Variants in SLC30A4 observed in about 807,000 individuals in gnomAD.
SLC30A4 encodes the protein solute carrier family 30 member 4, also known as probable proton-coupled zinc antiporter SLC30A4.
In SLC30A4, 20 loss-of-function variants were observed where a neutral mutation model predicts 41.7. The ratio of observed to expected loss-of-function variants is 0.48; its 90% CI spans 0.34 to 0.70. The LOEUF (loss-of-function observed/expected upper bound fraction) is 0.70, where lower values mean the gene tolerates loss of function less well. SLC30A4 is among the 30% of genes least tolerant of loss of function. The probability of loss-of-function intolerance (pLI) is 0.01; values close to 1 mark genes in which losing one functional copy is unlikely to be tolerated. For synonymous variants in SLC30A4, 181 were observed against 195.9 expected, an observed-to-expected ratio of 0.92 and a Z score of 0.64; for missense variants, 441 against 529.3, an observed-to-expected ratio of 0.83 and a Z score of 1.64.
rs1245069422 is a variant in SLC30A4, at chr15:45,479,735, G to A, written c.*5428C>T. 1 of 151,796 alleles carries A rather than the reference G, an allele frequency of 6.6e-6. No homozygotes were observed. The highest frequency in any genetic ancestry group is 1.5e-5 in the Non-Finnish European group (1 of 67,958). The allele number at this position is 151,796 out of a possible 1,614,324, so 9.4% of individuals were successfully genotyped here. On this transcript the variant is annotated 3_prime_UTR_variant, in exon 8 of 8. Coordinates refer to ENST00000261867, the MANE Select transcript of SLC30A4 (RefSeq NM_013309.6). ...CTACTAATATTACTTAATAAAAAGAGCAGATATTTAAGAGACTGTACATTT... is the reference window on the plus strand; with the variant it reads ...CTACTAATATTACTTAATAAAAAGAACAGATATTTAAGAGACTGTACATTT...
intron 5 of SLC30A4, 145 bp from the exon 6 acceptor site, chr15:45,487,777 AAGCATCTTCACTCTATCCTAGAC>A (rs1891732137): frequency 1.8e-6 from 1 of 560,114 alleles, no homozygotes; most frequent in Non-Finnish European, 3.2e-6. Context: ...TGTAATTGAA[AAGCATCTTCACTCTATCCTAGAC>A]AGTTTACGTT....
chr15:45,496,410 G>A (rs545181118), intron 3 of SLC30A4, among the ~76,000 whole-genome samples: 4 of 152,104 alleles, frequency 2.6e-5, no homozygotes, highest in East Asian at 3.9e-4. Context: ...GTTGGTCTTC[G>A]GTCACATAAC....
At chr15:45,497,285 G>C (rs755166266) in intron 3 of SLC30A4, 15 of 152,162 alleles carry the variant, frequency 9.9e-5, no homozygotes, top group Non-Finnish European at 1.6e-4. Context: ...GGCCAGGGTA[G>C]TTTCAAATTC....
At chr15:45,506,773 CCTAT>C (rs1178462697) in intron 3 of SLC30A4, among the ~76,000 whole-genome samples, 7 of 152,110 alleles carry the variant, frequency 4.6e-5, no homozygotes, top group South Asian at 2.1e-4. Flanking sequence ...TCAGGAAATA[CCTAT>C]CTATCTATAT....
chr15:45,522,080 ACCTT>A lies in SLC30A4; in HGVS notation c.271_274del (p.Lys91TrpfsTer14). The stretch of plus-strand genomic sequence containing the variant: ...TTTGCTGCAGTTGTCACAGGAGTCC[ACCTT>A]CAAACTCAGCTGACTGTTGGTCAAA... On this transcript the variant is annotated frameshift_variant, in exon 2 of 8. Transcript: ENST00000261867. LOFTEE classifies it high-confidence loss of function. The A allele has an allele frequency of 6.2e-7, 1 of 1,614,182 alleles. No individual in the cohort carries two copies. Among genetic ancestry groups the A allele is most frequent in the Non-Finnish European group, 8.5e-7 (1 of 1,180,036 alleles).
At chr15:45,511,410 T>A in intron 2 of SLC30A4, 126 bp from the exon 3 acceptor site, 1 of 576,820 alleles carries the variant, frequency 1.7e-6, no homozygotes, top group Non-Finnish European at 2.9e-6. Context: ...CCATTACAAT[T>A]AAATCAAGGT....
In SLC30A4 at chr15:45,522,406, C is replaced by A. The variant is rs73416476; in HGVS notation, c.-52G>T. On this transcript the variant is annotated 5_prime_UTR_variant, in exon 2 of 8. Coordinates refer to ENST00000261867, the MANE Select transcript of SLC30A4 (RefSeq NM_013309.6). Reference sequence around the variant, plus strand: ...GAACGGCTTGGGGGAGGCGGACGGCCGGCGGCGCCTACTTCACCGGAGCGC... The same window carrying A: ...GAACGGCTTGGGGGAGGCGGACGGCAGGCGGCGCCTACTTCACCGGAGCGC... 1.5e-3 allele frequency: 2,271 copies of A among 1,512,018 alleles called. 29 individuals carry two copies. In the African/African-American group the frequency reaches 0.029, roughly 19 times the overall value. The allele number at this position is 1,512,018 out of a possible 1,614,324, so 93.7% of individuals were successfully genotyped here. A position where few individuals can be genotyped will look rare whatever the true frequency, so the allele number is the denominator to read the frequency against.
intron 2 of SLC30A4, among the ~76,000 whole-genome samples, chr15:45,517,699 A>T (rs1892528232): frequency 6.6e-6 from 1 of 152,058 alleles, no homozygotes; most frequent in African/African-American, 2.4e-5. Context: ...CTGTAATCCC[A>T]GCACTTTGGG....
intron 3 of SLC30A4, among the ~76,000 whole-genome samples, chr15:45,506,263 T>G (rs1179214326): frequency 6.6e-6 from 1 of 152,078 alleles, no homozygotes; most frequent in Non-Finnish European, 1.5e-5. Flanking sequence ...TGCAACATGT[T>G]TTGCATATTT....
Position 45,511,204 on chromosome 15 carries a change from G to A in SLC30A4, c.472C>T (p.Leu158=). 3 of 1,613,626 alleles carry A rather than the reference G, an allele frequency of 1.9e-6. No individual in the cohort carries two copies. The highest frequency in any genetic ancestry group is 1.1e-5 in the South Asian group (1 of 91,046). Reference sequence around the variant, plus strand: ...TTTGATGATAGCCACAAAGCAAGCAGGGTGAGTATGATGGCGCTTAGGTCA... The same window carrying A: ...TTTGATGATAGCCACAAAGCAAGCAAGGTGAGTATGATGGCGCTTAGGTCA... ...LTDLSAIILT[L]LALWLSSKSP... Residue 158 remains leucine (L), a synonymous_variant, in exon 3 of 8, where the codon CTG becomes TTG. Transcript: ENST00000261867.
chr15:45,511,376 T>C, intron 2 of SLC30A4, 92 bp from the exon 3 acceptor site: 1 of 805,286 alleles, frequency 1.2e-6, no homozygotes, highest in African/African-American at 1.7e-5. Context: ...CTACAAAACA[T>C]GAACTTCTAA....
chr15:45,509,554 AG>A (rs1892235954), intron 3 of SLC30A4, among the ~76,000 whole-genome samples: 1 of 151,928 alleles, frequency 6.6e-6, no homozygotes, highest in South Asian at 2.1e-4. Flanking sequence ...GTGCCTGGCC[AG>A]GAACACATTC....
chr15:45,521,850 G>T, intron 2 of SLC30A4, 114 bp downstream of exon 2: 1 of 1,084,398 alleles, frequency 9.2e-7, no homozygotes, highest in Non-Finnish European at 1.3e-6. Context: ...TCAGTGTCTT[G>T]ATAAATACAA....
At chr15:45,500,996 G>T (rs1892018713) in intron 3 of SLC30A4, among the ~76,000 whole-genome samples, 1 of 148,112 alleles carries the variant, frequency 6.8e-6, no homozygotes, top group African/African-American at 2.5e-5. Flanking sequence ...CTGTGAACAT[G>T]ACCACAGTTT....
At chr15:45,521,655 G>C (rs772756723) in intron 2 of SLC30A4, among the ~76,000 whole-genome samples, 2 of 152,022 alleles carry the variant, frequency 1.3e-5, no homozygotes, top group Non-Finnish European at 2.9e-5. Context: ...AAATTAACCT[G>C]GTATTTTACC....
intron 3 of SLC30A4, among the ~76,000 whole-genome samples, chr15:45,501,599 CA>C (rs2140831218): frequency 6.6e-6 from 1 of 152,296 alleles, no homozygotes; most frequent in East Asian, 1.9e-4. Flanking sequence ...CTCCTGGGCT[CA>C]AGTGATCCTC....
chr15:45,499,227 A>G (rs947973950), intron 3 of SLC30A4, among the ~76,000 whole-genome samples: 14 of 151,694 alleles, frequency 9.2e-5, no homozygotes, highest in Non-Finnish European at 1.0e-4. Context: ...ACCCACCACC[A>G]TGCTTGGCTA....
intron 3 of SLC30A4, among the ~76,000 whole-genome samples, chr15:45,508,562 A>G (rs1299061542): frequency 2.0e-5 from 3 of 152,054 alleles, no homozygotes; most frequent in Non-Finnish European, 4.4e-5. Context: ...TTCTCCTTCA[A>G]CCCACTCATA....
In SLC30A4 at chr15:45,522,323, T is replaced by G. The variant is rs1349149175; in HGVS notation, c.32A>C (p.Lys11Thr). Reference protein sequence around the residue: MAGSGAWKRLKSMLRKDDAPL... With the variant: MAGSGAWKRLTSMLRKDDAPL... ...CGCATCATCCTTCCTTAGCATAGATTTGAGGCGCTTCCACGCGCCAGAGCC... is the reference window on the plus strand; with the variant it reads ...CGCATCATCCTTCCTTAGCATAGATGTGAGGCGCTTCCACGCGCCAGAGCC... Residue 11 changes from lysine to threonine, a missense_variant, in exon 2 of 8, where the codon AAA (lysine) becomes ACA (threonine). Around this residue, in one of 3 missense-constraint regions of SLC30A4, gnomAD observed 312 missense variants for 341.9 expected, o/e 0.91. Coordinates refer to ENST00000261867, the MANE Select transcript of SLC30A4 (RefSeq NM_013309.6). 1 of 1,612,926 alleles carries G rather than the reference T, an allele frequency of 6.2e-7. No individual in the cohort carries two copies. The highest frequency in any genetic ancestry group is 1.7e-5 in the Admixed American group (1 of 59,900).
Sources: gnomAD v4.1 joint callset for allele counts (sites outside exome capture counted in the v4.1 genomes callset) on GRCh38, gnomAD v4.1.1 for gene constraint, gnomAD v4.1.1 regional missense constraint, MANE v1.5 for transcripts, NCBI Gene and HGNC (gene_info 2026-07-23, HGNC 2026-07-21) for gene names.